Variants in ATP8A2 observed in about 807,000 individuals in gnomAD.
ATP8A2 encodes phospholipid-transporting ATPase IB.
In ATP8A2, 100 loss-of-function variants were observed where a neutral mutation model predicts 165.6. The observed-to-expected ratio is 0.60, with a 90% CI of 0.51 to 0.71. The LOEUF (loss-of-function observed/expected upper bound fraction) is 0.71. Ranked by LOEUF, ATP8A2 falls within the 30% of genes least tolerant of loss-of-function variation. The pLI is 0.00. For synonymous variants in ATP8A2, 543 were observed against 548.8 expected (o/e 0.99, Z 0.15); for missense variants, 1,227 against 1,479.5 (o/e 0.83, Z 2.80).
At chr13:25,543,713 A>G (rs1288444466) in intron 10 of ATP8A2, among the ~76,000 whole-genome samples, 1 of 152,108 alleles carries the variant, frequency 6.6e-6, no homozygotes, top group Non-Finnish European at 1.5e-5. Context: ...TTCTCTTTCT[A>G]CTTCTCCTCT....
At chr13:25,787,652 T>C (rs950743435) in intron 27 of ATP8A2, among the ~76,000 whole-genome samples, 3 of 152,214 alleles carry the variant, frequency 2.0e-5, no homozygotes, top group Non-Finnish European at 4.4e-5. Context: ...TTTGGTTACA[T>C]GTGGGAAAAG....
chr13:25,528,118 A>G (rs1231843679), intron 2 of ATP8A2, among the ~76,000 whole-genome samples: 3 of 152,126 alleles, frequency 2.0e-5, no homozygotes, highest in African/African-American at 7.2e-5. Context: ...TATTTTCCCT[A>G]CTTTTTAATG....
In ATP8A2 at chr13:25,953,545, A is replaced by AAAAAAAAC. The variant is rs1566299785; in HGVS notation, c.3184-8029_3184-8028insAAAAAACA. Among the ~76,000 whole-genome samples the AAAAAAAAC allele has an allele frequency of 8.1e-6, 1 of 122,766 alleles. No individual in the cohort carries two copies. Among genetic ancestry groups the AAAAAAAAC allele is most frequent in the African/African-American group, 3.6e-5 (1 of 27,712 alleles). The allele number at this position is 122,766 out of a possible 152,430, so 80.5% of individuals were successfully genotyped here. On this transcript the variant is annotated intron_variant, in intron 33 of 36. Transcript: ENST00000381655. This position sits in a 1 kb window ranked among gnomAD's most constrained non-coding sequence, Gnocchi z 6.7. ...TTTAAAAAAAAAAAAAAAAAAAAAAAAGCAAGGGAAATAGGCAAGACGGCC... is the reference window on the plus strand; with the variant it reads ...TTTAAAAAAAAAAAAAAAAAAAAAAAAAAAAAACAGCAAGGGAAATAGGCAAGACGGCC...
intron 35 of ATP8A2, among the ~76,000 whole-genome samples, chr13:25,973,064 G>A (rs1955950157): frequency 1.3e-5 from 2 of 152,250 alleles, no homozygotes; most frequent in South Asian, 4.2e-4. Flanking sequence ...AGTGGGGTGG[G>A]GTGGGGTGAG....
At chr13:25,693,165 A>G (rs555474731) in intron 24 of ATP8A2, among the ~76,000 whole-genome samples, 1 of 152,292 alleles carries the variant, frequency 6.6e-6, no homozygotes, top group African/African-American at 2.4e-5. Context: ...TCCAACCATA[A>G]TTTGTAACAT....
At chr13:25,481,182 A>ACCATG (rs1555278819) in intron 2 of ATP8A2, among the ~76,000 whole-genome samples, 2 of 144,412 alleles carry the variant, frequency 1.4e-5, no homozygotes, top group South Asian at 2.2e-4. Flanking sequence ...GGAGAGGGAG[A>ACCATG]GGGAGAGGGA....
intron 33 of ATP8A2, among the ~76,000 whole-genome samples, chr13:25,955,231 A>T (rs965884638): frequency 6.6e-6 from 1 of 152,238 alleles, no homozygotes; most frequent in African/African-American, 2.4e-5. Flanking sequence ...AAGCAAGAGC[A>T]AACAAATTCA....
At chr13:25,899,532 G>A in intron 33 of ATP8A2, among the ~76,000 whole-genome samples, 1 of 152,088 alleles carries the variant, frequency 6.6e-6, no homozygotes, top group Non-Finnish European at 1.5e-5. Context: ...AGGGATAATA[G>A]AGGCCTCCCA....
chr13:25,774,442 T>C (rs1177602783), intron 26 of ATP8A2, among the ~76,000 whole-genome samples: 2 of 152,100 alleles, frequency 1.3e-5, no homozygotes, highest in Non-Finnish European at 2.9e-5. Flanking sequence ...TCAGATTAAA[T>C]ACTAATGCAT....
intron 33 of ATP8A2, among the ~76,000 whole-genome samples, chr13:25,905,562 G>A (rs1209347344): frequency 1.3e-5 from 2 of 152,166 alleles, no homozygotes; most frequent in Non-Finnish European, 2.9e-5. Context: ...CGCCAACAGC[G>A]GTTGGTGCGT....
chr13:25,802,299 C>T (rs1344360762), intron 27 of ATP8A2, among the ~76,000 whole-genome samples: 1 of 152,070 alleles, frequency 6.6e-6, no homozygotes, highest in African/African-American at 2.4e-5. Context: ...CTGGCAACTC[C>T]ATGGAGAGCT....
At chr13:25,512,038 C>G (rs1021611589) in intron 2 of ATP8A2, among the ~76,000 whole-genome samples, 4 of 151,738 alleles carry the variant, frequency 2.6e-5, no homozygotes, top group African/African-American at 7.3e-5. Context: ...TGCGGCCTTC[C>G]GCAGTGTTTG....
At chr13:25,467,159 A>G (rs1803087501) in intron 1 of ATP8A2, among the ~76,000 whole-genome samples, 1 of 152,094 alleles carries the variant, frequency 6.6e-6, no homozygotes. Context: ...GGGAGGTTGG[A>G]GGGAAGGAGA....
intron 2 of ATP8A2, among the ~76,000 whole-genome samples, chr13:25,472,309 G>A (rs1327871726): frequency 2.6e-5 from 4 of 151,128 alleles, no homozygotes; most frequent in South Asian, 2.1e-4. Context: ...CACAAGAATC[G>A]CTTGAATCCA....
At chr13:25,655,438 C>T (rs573186480) in intron 24 of ATP8A2, among the ~76,000 whole-genome samples, 2 of 152,318 alleles carry the variant, frequency 1.3e-5, no homozygotes, top group South Asian at 2.1e-4. Flanking sequence ...GGATTACAGG[C>T]GTGAGCCACC....
intron 24 of ATP8A2, among the ~76,000 whole-genome samples, chr13:25,664,230 T>C (rs926607937): frequency 3.1e-4 from 47 of 152,354 alleles, no homozygotes; most frequent in African/African-American, 1.0e-3. Flanking sequence ...TTTACTTTCT[T>C]GTAAGTAAAG....
chr13:25,490,607 C>G (rs2137638550), intron 2 of ATP8A2, among the ~76,000 whole-genome samples: 1 of 152,354 alleles, frequency 6.6e-6, no homozygotes, highest in Admixed American at 6.5e-5. Context: ...ATAAAACCCA[C>G]TAAAAGTCCA....
At position 25,622,733 on chromosome 13, in the gene ATP8A2, T is replaced by C. The variant is rs1350699586; in HGVS notation, c.2211+33034T>C. ...CAGGGGAATAAAAGACCCTCTTAGCTCCCTTTAGCTGATACTTGGGTCCCA... is the reference window on the plus strand; with the variant it reads ...CAGGGGAATAAAAGACCCTCTTAGCCCCCTTTAGCTGATACTTGGGTCCCA... On this transcript the variant is annotated intron_variant, in intron 24 of 36. Coordinates refer to ENST00000381655, the MANE Select transcript of ATP8A2 (RefSeq NM_016529.6). 3.9e-5 allele frequency among the ~76,000 whole-genome samples: 6 copies of C among 152,226 alleles called. No homozygotes were observed. In the East Asian group the frequency reaches 9.7e-4, roughly 24 times the overall value.
chr13:25,766,444 A>G (rs2044491803), intron 25 of ATP8A2, among the ~76,000 whole-genome samples: 2 of 152,206 alleles, frequency 1.3e-5, no homozygotes, highest in South Asian at 2.1e-4. Context: ...ACTGTTGACA[A>G]TGGCATGTGG....
Sources: allele counts gnomAD v4.1 joint callset (sites outside exome capture counted in the v4.1 genomes callset), GRCh38; gene constraint gnomAD v4.1.1; non-coding constraint Gnocchi (gnomAD v3.1); transcripts MANE v1.5; gene names NCBI Gene and HGNC (gene_info 2026-07-23, HGNC 2026-07-21).